Variants in WWOX observed in about 807,000 individuals in gnomAD.
WWOX encodes WW domain containing oxidoreductase, also known as WW domain-containing oxidoreductase.
In WWOX, 69 loss-of-function variants were observed where a neutral mutation model predicts 46.2. The ratio of observed to expected loss-of-function variants is 1.49; its 90% CI spans 1.23 to 1.82. The LOEUF is 1.82. WWOX is among the 40% of genes most tolerant of loss of function. The probability of loss-of-function intolerance (pLI) is 0.00; values close to 1 mark genes in which losing one functional copy is unlikely to be tolerated. For synonymous variants in WWOX, 359 were observed against 202.6 expected (o/e 1.77, Z -6.56); for missense variants, 919 against 542.6 (o/e 1.69, Z -6.89).
intron 5 of WWOX, among the ~76,000 whole-genome samples, chr16:78,217,700 A>G (rs2036767335): frequency 1.3e-5 from 2 of 152,178 alleles, no homozygotes. Flanking sequence ...CGTTAAAGGC[A>G]AGATTCATGC....
intron 8 of WWOX, among the ~76,000 whole-genome samples, chr16:79,136,448 C>A (rs2049983467): frequency 6.6e-6 from 1 of 152,058 alleles, no homozygotes. Flanking sequence ...CCAGGATGGT[C>A]TTGATCTCCT....
intron 8 of WWOX, among the ~76,000 whole-genome samples, chr16:78,762,943 C>T (rs73573739): frequency 6.6e-6 from 1 of 152,282 alleles, no homozygotes; most frequent in African/African-American, 2.4e-5. Flanking sequence ...CGACAAACAA[C>T]AATCACAACA....
intron 8 of WWOX, among the ~76,000 whole-genome samples, chr16:78,460,943 G>A (rs2083933126): frequency 1.3e-5 from 2 of 152,044 alleles, no homozygotes; most frequent in Admixed American, 1.3e-4. Flanking sequence ...AGTAGTGACA[G>A]GGGTATCAGT....
chr16:78,411,248 C>A (rs927530992), intron 6 of WWOX, among the ~76,000 whole-genome samples: 10 of 152,108 alleles, frequency 6.6e-5, no homozygotes, highest in African/African-American at 2.2e-4. Flanking sequence ...TAGGACAGTG[C>A]GTTTGAGATC....
intron 8 of WWOX, among the ~76,000 whole-genome samples, chr16:79,023,563 A>T (rs16949262): frequency 3.3e-5 from 5 of 152,080 alleles, no homozygotes; most frequent in African/African-American, 1.2e-4. Context: ...ACCATCCACC[A>T]CAGGCAAACA....
chr16:78,767,264 G>A (rs1234269438), intron 8 of WWOX, among the ~76,000 whole-genome samples: 2 of 151,970 alleles, frequency 1.3e-5, no homozygotes, highest in African/African-American at 4.8e-5. Flanking sequence ...AGAGGTGCAT[G>A]CCACCATGCC....
At chr16:78,252,787 A>G (rs1207459283) in intron 5 of WWOX, among the ~76,000 whole-genome samples, 2 of 152,244 alleles carry the variant, frequency 1.3e-5, no homozygotes, top group Non-Finnish European at 2.9e-5. Flanking sequence ...CAAATCATCA[A>G]AAAACAACCC....
chr16:78,531,223 T>G (rs1032996094), intron 8 of WWOX, among the ~76,000 whole-genome samples: 1 of 152,198 alleles, frequency 6.6e-6, no homozygotes, highest in African/African-American at 2.4e-5. Context: ...ACTCTTACAT[T>G]CAGTGCTGGG....
chr16:79,023,621 A>G (rs1188457066), intron 8 of WWOX, among the ~76,000 whole-genome samples: 1 of 152,098 alleles, frequency 6.6e-6, no homozygotes, highest in Non-Finnish European at 1.5e-5. Flanking sequence ...TACAACTGGG[A>G]TGAACCTCAA....
At chr16:78,444,439 A>T (rs2083512785) in intron 8 of WWOX, among the ~76,000 whole-genome samples, 1 of 152,256 alleles carries the variant, frequency 6.6e-6, no homozygotes, top group Non-Finnish European at 1.5e-5. Flanking sequence ...TAAATTTTGG[A>T]TGAAAACTGA....
intron 5 of WWOX, among the ~76,000 whole-genome samples, chr16:78,383,596 A>C (rs530345394): frequency 1.3e-5 from 2 of 152,274 alleles, no homozygotes; most frequent in South Asian, 4.1e-4. Flanking sequence ...AGCATGTCCC[A>C]CTACAAACAT....
intron 8 of WWOX, among the ~76,000 whole-genome samples, chr16:79,103,212 G>A (rs1054043181): frequency 1.3e-5 from 2 of 152,146 alleles, no homozygotes; most frequent in East Asian, 1.9e-4. Context: ...CCTATTGACT[G>A]CAGTGTTGCC....
intron 6 of WWOX, among the ~76,000 whole-genome samples, chr16:78,397,750 G>C (rs975379697): frequency 1.3e-5 from 2 of 152,080 alleles, no homozygotes; most frequent in African/African-American, 4.8e-5. Flanking sequence ...TTTTTCTCAG[G>C]ATCACCTCAG....
intron 5 of WWOX, among the ~76,000 whole-genome samples, chr16:78,261,817 T>C (rs902648484): frequency 1.4e-4 from 21 of 146,156 alleles, no homozygotes; most frequent in African/African-American, 3.5e-4. Context: ...TATATATATA[T>C]ACTTATAATG....
chr16:78,104,437 G>A (rs777313906), intron 1 of WWOX, among the ~76,000 whole-genome samples: 5 of 152,128 alleles, frequency 3.3e-5, no homozygotes, highest in African/African-American at 4.8e-5. Context: ...CCAGGAGCTC[G>A]AGGCTGCAGT....
At chr16:78,579,299 T>A (rs1204766639) in intron 8 of WWOX, among the ~76,000 whole-genome samples, 1 of 152,112 alleles carries the variant, frequency 6.6e-6, no homozygotes, top group Non-Finnish European at 1.5e-5. Context: ...TGTGACAGCA[T>A]ATGTCGACGG....
rs528902584 is a variant in WWOX at position 78,716,821 on chromosome 16, C to G, written c.1056+284069C>G. 2.0e-5 allele frequency among the ~76,000 whole-genome samples: 3 copies of G among 152,288 alleles called. No individual in the cohort carries two copies. The South Asian group carries it at 6.2e-4, about 32-fold the overall frequency. On this transcript the variant is annotated intron_variant, in intron 8 of 8. Coordinates refer to ENST00000566780, the MANE Select transcript of WWOX (RefSeq NM_016373.4). ...GCATTGTCTTGGTCCATAGCCTGAGCTTACCCTCCCTACGCAACCACAGCT... is the reference window on the plus strand; with the variant it reads ...GCATTGTCTTGGTCCATAGCCTGAGGTTACCCTCCCTACGCAACCACAGCT...
At chr16:78,704,084 A>T (rs965619640) in intron 8 of WWOX, among the ~76,000 whole-genome samples, 5 of 151,404 alleles carry the variant, frequency 3.3e-5, no homozygotes, top group Non-Finnish European at 2.9e-5. Context: ...GTTTCAATTC[A>T]CTAGATGTTG....
At chr16:78,922,954 A>G (rs1304620270) in intron 8 of WWOX, among the ~76,000 whole-genome samples, 1 of 150,552 alleles carries the variant, frequency 6.6e-6, no homozygotes, top group Non-Finnish European at 1.5e-5. Flanking sequence ...AAAATATTCC[A>G]TATTCAGGAG....
Sources: allele counts gnomAD v4.1 joint callset (sites outside exome capture counted in the v4.1 genomes callset), GRCh38; gene constraint gnomAD v4.1.1; transcripts MANE v1.5; gene names NCBI Gene and HGNC (gene_info 2026-07-23, HGNC 2026-07-21).